SEC22C: variants seen among roughly 807,000 people sequenced by gnomAD.
SEC22C encodes vesicle-trafficking protein SEC22c.
In SEC22C, 29 loss-of-function variants were observed where a neutral mutation model predicts 34.7. The ratio of observed to expected loss-of-function variants is 0.84; its 90% CI spans 0.62 to 1.14. The LOEUF (loss-of-function observed/expected upper bound fraction) is 1.14, where lower values mean the gene tolerates loss of function less well. Among genes scored for constraint, SEC22C ranks in the 50% most tolerant of loss-of-function variants. The pLI, the probability that SEC22C is intolerant of heterozygous loss-of-function variation, is 0.00. For synonymous variants in SEC22C, 117 were observed against 132.8 expected (o/e 0.88, Z 0.82); for missense variants, 337 against 369.0 (o/e 0.91, Z 0.71).
intron 1 of SEC22C, among the ~76,000 whole-genome samples, chr3:42,599,691 CAA>C (rs1157160087): frequency 4.9e-4 from 46 of 92,968 alleles, no homozygotes; most frequent in South Asian, 2.6e-3. Context: ...GACTCCGTCT[CAA>C]AAAAAAAAAA....
Position 42,565,377 on chromosome 3 carries a change from T to G in SEC22C, c.183-1691A>C, listed in dbSNP as rs542083161. On this transcript the variant is annotated intron_variant, in intron 2 of 6. Coordinates refer to ENST00000264454, the MANE Select transcript of SEC22C (RefSeq NM_032970.4). ...AATCTAAAAAAAAGGACAACTCTCCTCCTTATGGAAGAAATCCTTCAGAAG... is the reference window on the plus strand; with the variant it reads ...AATCTAAAAAAAAGGACAACTCTCCGCCTTATGGAAGAAATCCTTCAGAAG... Among the ~76,000 whole-genome samples, 5 of 152,272 alleles carry G rather than the reference T, an allele frequency of 3.3e-5. No individual in the cohort carries two copies. In the East Asian group the frequency reaches 9.7e-4, roughly 29 times the overall value.
intron 1 of SEC22C, among the ~76,000 whole-genome samples, chr3:42,574,597 T>C (rs927356025): frequency 5.9e-5 from 9 of 152,180 alleles, no homozygotes; most frequent in African/African-American, 2.2e-4. Context: ...GCAATAATTA[T>C]GTCTCATGTG....
At chr3:42,560,713 G>A (rs1015714468) in intron 4 of SEC22C, among the ~76,000 whole-genome samples, 2 of 151,756 alleles carry the variant, frequency 1.3e-5, no homozygotes, top group Admixed American at 6.6e-5. Flanking sequence ...ATCATGGCTC[G>A]CTGCAGCCTC....
intron 1 of SEC22C, chr3:42,580,505 G>A (rs1415559244): frequency 6.6e-6 from 1 of 152,220 alleles, no homozygotes. Flanking sequence ...GCTCCAAGTT[G>A]CTTGGGGATG....
intron 1 of SEC22C, among the ~76,000 whole-genome samples, chr3:42,588,949 C>T (rs2940407): frequency 0.25 from 37,307 of 151,822 alleles, 5,167 homozygotes; most frequent in East Asian, 0.47. Flanking sequence ...CTTCTCTCAC[C>T]GGGTTTACCT....
chr3:42,560,118 CTCTATATA>C (rs1449090919), intron 4 of SEC22C, among the ~76,000 whole-genome samples: 116 of 90,598 alleles, frequency 1.3e-3, no homozygotes, highest in Middle Eastern at 5.0e-3. Flanking sequence ...CTCTCTCTCT[CTCTATATA>C]TATATATATA....
At chr3:42,575,093 C>T (rs918818739) in intron 1 of SEC22C, among the ~76,000 whole-genome samples, 1 of 152,192 alleles carries the variant, frequency 6.6e-6, no homozygotes, top group East Asian at 1.9e-4. Flanking sequence ...AGCAATCCTC[C>T]CATCTCAGCT....
chr3:42,591,560 T>C, intron 1 of SEC22C: 1 of 1,614,022 alleles, frequency 6.2e-7, no homozygotes. Flanking sequence ...TCCGCTGTAT[T>C]GTGGAGTATC....
Position 42,557,557 on chromosome 3 carries a change from TAAAAAA to T in SEC22C, c.645+15_645+20del, listed in dbSNP as rs1553643864. 1.9e-5 allele frequency: 19 copies of T among 1,005,530 alleles called. No homozygotes were observed. Among genetic ancestry groups the T allele is most frequent in the Non-Finnish European group, 2.7e-5 (19 of 692,916 alleles). The allele number at this position is 1,005,530 out of a possible 1,614,324, so 62.3% of individuals were successfully genotyped here. ...ATATGTCCTTCAATTTAAACTGTTT[TAAAAAA>T]AAAAAAAAGGTTACCTGTAAAGAAT... is the stretch of plus-strand genomic sequence containing the variant. On this transcript the variant is annotated intron_variant, in intron 5 of 6. Transcript: ENST00000264454.
intron 1 of SEC22C, chr3:42,591,529 T>C: frequency 6.2e-7 from 1 of 1,613,436 alleles, no homozygotes; most frequent in Non-Finnish European, 8.5e-7. Context: ...TTTCAGCTCC[T>C]TGAGGAGAAT....
intron 4 of SEC22C, among the ~76,000 whole-genome samples, chr3:42,558,081 A>G (rs1383584741): frequency 6.6e-6 from 1 of 152,230 alleles, no homozygotes; most frequent in Non-Finnish European, 1.5e-5. Context: ...ACTGGCATCT[A>G]GTGGATAGAG....
At position 42,552,251 on chromosome 3, in the gene SEC22C, A is replaced by G. The variant is rs1227763567; in HGVS notation, c.*997T>C. 3.0e-6 allele frequency: 3 copies of G among 985,352 alleles called. No individual in the cohort carries two copies. In the African/African-American group the frequency reaches 5.2e-5, roughly 17 times the overall value. 61.0% of individuals were successfully genotyped at this position (985,352 alleles called of 1,614,324 possible). On this transcript the variant is annotated 3_prime_UTR_variant, in exon 7 of 7. Coordinates refer to ENST00000264454, the MANE Select transcript of SEC22C (RefSeq NM_032970.4). ...TCAAGCTAATTAAGATGACTGGGAAAGGTGCAGAGGAGTAATTAATTTTGG... is the reference window on the plus strand; with the variant it reads ...TCAAGCTAATTAAGATGACTGGGAAGGGTGCAGAGGAGTAATTAATTTTGG...
upstream of SEC22C, among the ~76,000 whole-genome samples, chr3:42,585,548 T>A (rs1162926653): frequency 6.6e-6 from 1 of 152,250 alleles, no homozygotes; most frequent in Non-Finnish European, 1.5e-5. Context: ...CCCTCTACTT[T>A]GTTTTATTTA....
intron 1 of SEC22C, among the ~76,000 whole-genome samples, chr3:42,592,711 T>C (rs529348381): frequency 2.4e-4 from 37 of 152,328 alleles, no homozygotes; most frequent in African/African-American, 8.7e-4. Flanking sequence ...TTCTCCTTTT[T>C]CTATATGAAA....
At chr3:42,594,092 C>T (rs1241787355) in intron 1 of SEC22C, among the ~76,000 whole-genome samples, 1 of 152,174 alleles carries the variant, frequency 6.6e-6, no homozygotes, top group Non-Finnish European at 1.5e-5. Context: ...TTTGAATAGA[C>T]ATATAACATG....
At chr3:42,594,581 C>T in intron 1 of SEC22C, 1 of 1,324,954 alleles carries the variant, frequency 7.5e-7, no homozygotes, top group South Asian at 1.2e-5. Flanking sequence ...CCATCTCTTA[C>T]AAAATGGAGA....
rs760443973 is a variant in SEC22C at position 42,591,613 on chromosome 3, C to G, written c.-28+9347G>C. 1.2e-6 allele frequency: 2 copies of G among 1,600,458 alleles called. 1 individual carries two copies. Among genetic ancestry groups the G allele is most frequent in the South Asian group, 2.2e-5 (2 of 90,812 alleles). Reference sequence around the variant, plus strand: ...AACGAGTGCGTGCAGTAAGTACCCCCACCCCCGCGCCCCTGACCTGTGGGT... The same window carrying G: ...AACGAGTGCGTGCAGTAAGTACCCCGACCCCCGCGCCCCTGACCTGTGGGT... On this transcript the variant is annotated intron_variant, in intron 1 of 6. Transcript: ENST00000417572.
At chr3:42,592,050 A>T (rs985219749) in intron 1 of SEC22C, among the ~76,000 whole-genome samples, 4 of 152,204 alleles carry the variant, frequency 2.6e-5, no homozygotes, top group Non-Finnish European at 5.9e-5. Context: ...TGACACACAC[A>T]CAAAGACAAA....
chr3:42,577,948 C>A (rs1342999563), intron 1 of SEC22C, among the ~76,000 whole-genome samples: 1 of 150,338 alleles, frequency 6.7e-6, no homozygotes, highest in Non-Finnish European at 1.5e-5. Flanking sequence ...CCAGCCTGGA[C>A]AACAGAATGA....
Sources: gnomAD v4.1 joint callset for allele counts (sites outside exome capture counted in the v4.1 genomes callset) on GRCh38, gnomAD v4.1.1 for gene constraint, MANE v1.5 for transcripts, NCBI Gene and HGNC (gene_info 2026-07-23, HGNC 2026-07-21) for gene names.